Variants in DLC1 observed in about 807,000 individuals in gnomAD.
The protein encoded by DLC1 is DLC1 Rho GTPase activating protein.
A neutral mutation model predicts 140.3 loss-of-function variants in DLC1; 54 were observed. The observed-to-expected ratio is 0.38, with a 90% CI of 0.31 to 0.48. The LOEUF is 0.48. DLC1 is among the 20% of genes least tolerant of loss of function. The probability of loss-of-function intolerance (pLI) is 0.96; values close to 1 mark genes in which losing one functional copy is unlikely to be tolerated. For synonymous variants in DLC1, 986 were observed against 728.1 expected (o/e 1.35, Z -5.70); for missense variants, 2,536 against 1,907.0 (o/e 1.33, Z -6.14).
intron 1 of DLC1, among the ~76,000 whole-genome samples, chr8:13,599,525 T>C (rs1805801336): frequency 6.6e-6 from 1 of 151,956 alleles, no homozygotes; most frequent in East Asian, 1.9e-4. Context: ...GTAAGTTTAT[T>C]ACCAAATCCC....
chr8:13,406,973 A>T (rs1489483224), intron 2 of DLC1, among the ~76,000 whole-genome samples: 1 of 152,216 alleles, frequency 6.6e-6, no homozygotes, highest in Non-Finnish European at 1.5e-5. Flanking sequence ...GAACAGAAAC[A>T]TCCTGTTGCT....
chr8:13,135,570 A>G (rs954055759), intron 5 of DLC1, among the ~76,000 whole-genome samples: 2 of 148,292 alleles, frequency 1.3e-5, no homozygotes, highest in African/African-American at 2.4e-5. Flanking sequence ...TTCAAACTTA[A>G]AAAATAAGAG....
intron 5 of DLC1, among the ~76,000 whole-genome samples, chr8:13,153,107 C>T (rs984233741): frequency 6.6e-6 from 1 of 152,212 alleles, no homozygotes; most frequent in Non-Finnish European, 1.5e-5. Flanking sequence ...TCACTGACTT[C>T]AAGAACGAAG....
intron 5 of DLC1, among the ~76,000 whole-genome samples, chr8:13,246,820 C>T (rs963443046): frequency 5.3e-5 from 8 of 152,122 alleles, no homozygotes; most frequent in Admixed American, 3.9e-4. Context: ...GGATCTGAGA[C>T]ATATTTCTAA....
intron 2 of DLC1, among the ~76,000 whole-genome samples, chr8:13,470,853 C>T (rs1228993457): frequency 6.6e-6 from 1 of 152,056 alleles, no homozygotes; most frequent in African/African-American, 2.4e-5. Context: ...TCACAGTAGC[C>T]AAGTGACACC....
chr8:13,454,587 G>T (rs866178182), intron 2 of DLC1, among the ~76,000 whole-genome samples: 6 of 152,132 alleles, frequency 3.9e-5, no homozygotes, highest in South Asian at 4.2e-4. Flanking sequence ...ATAGGGTCTT[G>T]CTCTGTCATC....
At chr8:13,596,776 G>A (rs1402443208) in intron 1 of DLC1, among the ~76,000 whole-genome samples, 1 of 152,090 alleles carries the variant, frequency 6.6e-6, no homozygotes, top group Non-Finnish European at 1.5e-5. Flanking sequence ...ACAAATCTGG[G>A]TTGAGCTAAG....
In DLC1 at chr8:13,084,020, T is replaced by TA. The variant is rs1817354747; in HGVS notation, c.*1790dup. On this transcript the variant is annotated 3_prime_UTR_variant, in exon 18 of 18. Transcript: ENST00000276297. ...CTTCCTTTTATTTATTTTCTTCACT[T>TA]AGACTGTATTCACGTAAAGTGTATT... The TA allele has an allele frequency of 3.3e-5, 5 of 152,612 alleles. No individual in the cohort carries two copies. The South Asian group carries it at 1.0e-3, about 32-fold the overall frequency. 9.5% of individuals were successfully genotyped at this position (152,612 alleles called of 1,614,324 possible).
intron 2 of DLC1, among the ~76,000 whole-genome samples, chr8:13,413,277 T>A (rs1837879912): frequency 6.8e-6 from 1 of 146,014 alleles, no homozygotes; most frequent in Non-Finnish European, 1.5e-5. Flanking sequence ...TTTTTTTTTT[T>A]AGCTCATCAA....
chr8:13,285,913 G>A (rs918071170), intron 5 of DLC1, among the ~76,000 whole-genome samples: 2 of 152,162 alleles, frequency 1.3e-5, no homozygotes, highest in Admixed American at 6.5e-5. Context: ...GGCTGGGAAT[G>A]GGGTGAATGT....
chr8:13,227,804 AT>A (rs764653098), intron 5 of DLC1, among the ~76,000 whole-genome samples: 70 of 152,304 alleles, frequency 4.6e-4, no homozygotes, highest in Non-Finnish European at 8.4e-4. Flanking sequence ...TTCATCTCAC[AT>A]TTGGGCATCA....
chr8:13,425,978 A>G (rs999210581), intron 2 of DLC1, among the ~76,000 whole-genome samples: 53 of 152,200 alleles, frequency 3.5e-4, no homozygotes, highest in African/African-American at 1.3e-3. Flanking sequence ...ACATCTGGCT[A>G]GTCTTTTTAT....
intron 5 of DLC1, among the ~76,000 whole-genome samples, chr8:13,176,902 G>A (rs1825787238): frequency 1.3e-5 from 2 of 152,230 alleles, no homozygotes; most frequent in South Asian, 4.2e-4. Context: ...ACTGGCTGTT[G>A]CTGGGTTTGA....
At chr8:13,225,136 T>G (rs1393950354) in intron 5 of DLC1, among the ~76,000 whole-genome samples, 1 of 152,206 alleles carries the variant, frequency 6.6e-6, no homozygotes, top group Non-Finnish European at 1.5e-5. Context: ...CAGTGCCATT[T>G]TAAATAGAAA....
intron 1 of DLC1, among the ~76,000 whole-genome samples, chr8:13,535,356 A>G (rs576946305): frequency 6.6e-6 from 1 of 152,116 alleles, no homozygotes; most frequent in African/African-American, 2.4e-5. Flanking sequence ...GAAAGAAGCA[A>G]TTATAGATCT....
At chr8:13,518,390 T>C (rs1408086041), upstream of DLC1, among the ~76,000 whole-genome samples, 1 of 152,200 alleles carries the variant, frequency 6.6e-6, no homozygotes, top group Non-Finnish European at 1.5e-5. Context: ...TTTAGAGGCG[T>C]GAGCCACTGT....
At chr8:13,586,306 G>A (rs1805307923) in intron 1 of DLC1, among the ~76,000 whole-genome samples, 1 of 152,068 alleles carries the variant, frequency 6.6e-6, no homozygotes, top group Admixed American at 6.6e-5. Context: ...ACCAGTAGTA[G>A]GAAAGAAGAA....
At chr8:13,418,945 G>C (rs1838192582) in intron 2 of DLC1, among the ~76,000 whole-genome samples, 1 of 151,716 alleles carries the variant, frequency 6.6e-6, no homozygotes, top group South Asian at 2.1e-4. Flanking sequence ...TTGTAAGTTG[G>C]ATTCCTAAGT....
At chr8:13,539,284 C>T (rs1803404971) in intron 1 of DLC1, among the ~76,000 whole-genome samples, 1 of 152,104 alleles carries the variant, frequency 6.6e-6, no homozygotes, top group South Asian at 2.1e-4. Flanking sequence ...ACTGCAAGCT[C>T]TGCCTCCTGA....
Sources: allele counts gnomAD v4.1 joint callset (sites outside exome capture counted in the v4.1 genomes callset), GRCh38; gene constraint gnomAD v4.1.1; transcripts MANE v1.5; gene names NCBI Gene and HGNC (gene_info 2026-07-23, HGNC 2026-07-21).